The following LUZP2 variants were observed in gnomAD, a reference collection of about 807,000 sequenced individuals.
LUZP2 encodes the protein leucine zipper protein 2.
Under a neutral mutation model 51.6 loss-of-function variants are expected in LUZP2, and 52 were observed. The ratio of observed to expected loss-of-function variants is 1.01; its 90% CI spans 0.81 to 1.27. The LOEUF is 1.27. LUZP2 is among the 50% of genes most tolerant of loss of function. The pLI is 0.00. For synonymous variants in LUZP2, 154 were observed against 137.3 expected (o/e 1.12, Z -0.85); for missense variants, 436 against 395.4 (o/e 1.10, Z -0.87).
intron 1 of LUZP2, among the ~76,000 whole-genome samples, chr11:24,719,484 C>A (rs1376011433): frequency 6.6e-6 from 1 of 152,110 alleles, no homozygotes; most frequent in Admixed American, 6.6e-5. Flanking sequence ...ATAATAATTC[C>A]TTTTAAGGCA....
intron 1 of LUZP2, among the ~76,000 whole-genome samples, chr11:24,669,012 G>A (rs564791319): frequency 6.6e-6 from 1 of 152,048 alleles, no homozygotes; most frequent in Non-Finnish European, 1.5e-5. Context: ...AGAAAGTTTG[G>A]GTTTAAGCAC....
intron 9 of LUZP2, among the ~76,000 whole-genome samples, chr11:25,035,461 A>C (rs953747526): frequency 6.6e-6 from 1 of 152,100 alleles, no homozygotes; most frequent in Admixed American, 6.6e-5. Flanking sequence ...ATGAAATACC[A>C]AGGAATACAG....
intron 1 of LUZP2, among the ~76,000 whole-genome samples, chr11:24,529,225 CA>C (rs893853646): frequency 7.3e-5 from 11 of 150,404 alleles, no homozygotes; most frequent in African/African-American, 2.7e-4. Context: ...TGTCTTTATA[CA>C]AAAAAAACCT....
rs572676164 is a variant in LUZP2, at chr11:24,640,471, T to C, written c.63-88698T>C. Among the ~76,000 whole-genome samples the C allele has an allele frequency of 6.9e-4, 105 of 152,074 alleles. 1 individual carries two copies. In the South Asian group the frequency reaches 7.2e-3, roughly 10 times the overall value. ...ATCTGACAAATCTGATGGTTTGGTTTGAGCACTTGTATTTTTGTGAGATTT... is the reference window on the plus strand; with the variant it reads ...ATCTGACAAATCTGATGGTTTGGTTCGAGCACTTGTATTTTTGTGAGATTT... On this transcript the variant is annotated intron_variant, in intron 1 of 11. Coordinates refer to ENST00000336930, the MANE Select transcript of LUZP2 (RefSeq NM_001009909.4).
At chr11:24,736,624 A>T (rs4923208) in intron 3 of LUZP2, among the ~76,000 whole-genome samples, 63,092 of 151,468 alleles carry the variant, frequency 0.42, 13,503 homozygotes, top group East Asian at 0.54. Context: ...CATAACATGA[A>T]GTCATAGTTT....
intron 1 of LUZP2, among the ~76,000 whole-genome samples, chr11:24,540,194 T>C (rs1851313451): frequency 6.6e-6 from 1 of 152,116 alleles, no homozygotes; most frequent in African/African-American, 2.4e-5. Context: ...AATTAAACCA[T>C]GTCTCTCTTT....
intron 9 of LUZP2, among the ~76,000 whole-genome samples, chr11:24,987,512 C>T (rs1046315364): frequency 4.0e-5 from 6 of 151,888 alleles, no homozygotes; most frequent in Non-Finnish European, 7.4e-5. Context: ...CAGGCTATTA[C>T]TGTTTCTTTT....
chr11:24,650,547 G>A (rs368747873), intron 1 of LUZP2, among the ~76,000 whole-genome samples: 4 of 152,118 alleles, frequency 2.6e-5, no homozygotes, highest in South Asian at 4.1e-4. Flanking sequence ...TGAAATGGCA[G>A]AAGCCAGCTG....
At chr11:24,593,782 G>A (rs1408332218) in intron 1 of LUZP2, among the ~76,000 whole-genome samples, 1 of 152,154 alleles carries the variant, frequency 6.6e-6, no homozygotes, top group Non-Finnish European at 1.5e-5. Context: ...CTCTTCTGCT[G>A]TATTTTATTA....
intron 7 of LUZP2, among the ~76,000 whole-genome samples, chr11:24,937,613 C>A (rs904643351): frequency 6.6e-6 from 1 of 152,080 alleles, no homozygotes; most frequent in African/African-American, 2.4e-5. Context: ...AGAAATACGT[C>A]ATATGTGGCC....
intron 7 of LUZP2, among the ~76,000 whole-genome samples, chr11:24,958,719 T>C (rs1397080205): frequency 1.3e-5 from 2 of 152,244 alleles, no homozygotes; most frequent in Non-Finnish European, 2.9e-5. Context: ...TTCACTCTGA[T>C]GTTAGTTTCT....
At chr11:24,662,647 A>T (rs999395655) in intron 1 of LUZP2, among the ~76,000 whole-genome samples, 115 of 152,250 alleles carry the variant, frequency 7.6e-4, no homozygotes, top group African/African-American at 2.7e-3. Context: ...AATCTTCATA[A>T]ATTAAGAATT....
chr11:24,681,739 A>G (rs1385179071), intron 1 of LUZP2, among the ~76,000 whole-genome samples: 1 of 152,224 alleles, frequency 6.6e-6, no homozygotes, highest in Non-Finnish European at 1.5e-5. Flanking sequence ...TTACATTAAT[A>G]TGAAATGTTA....
At chr11:24,759,741 A>C (rs2134025585) in intron 4 of LUZP2, among the ~76,000 whole-genome samples, 1 of 152,286 alleles carries the variant, frequency 6.6e-6, no homozygotes, top group Middle Eastern at 3.4e-3. Context: ...AAAAGAATGT[A>C]AAAGCTGTTT....
chr11:24,606,125 T>C (rs571099396), intron 1 of LUZP2, among the ~76,000 whole-genome samples: 8 of 151,852 alleles, frequency 5.3e-5, no homozygotes, highest in African/African-American at 1.9e-4. Flanking sequence ...TGTATACATA[T>C]ATATATACCA....
At chr11:24,916,090 C>G (rs1853781478) in intron 7 of LUZP2, among the ~76,000 whole-genome samples, 1 of 151,880 alleles carries the variant, frequency 6.6e-6, no homozygotes, top group African/African-American at 2.4e-5. Context: ...ATGACACATG[C>G]TGGCACTTGC....
In LUZP2 at chr11:24,965,317, T is replaced by C. The variant is rs115343663; in HGVS notation, c.523-11274T>C. On this transcript the variant is annotated intron_variant, in intron 7 of 11. Transcript: ENST00000336930. ...GGCCTAAAAGTAAATTTTAAAGAGA[T>C]AGTTTTCTGCTGAAATCTCCATTTC... is the stretch of plus-strand genomic sequence containing the variant. Among the ~76,000 whole-genome samples, 1,428 of 149,914 alleles carry C rather than the reference T, an allele frequency of 9.5e-3. 18 individuals carry two copies. The highest frequency in any genetic ancestry group is 0.033 in the African/African-American group (1,359 of 40,662).
intron 5 of LUZP2, among the ~76,000 whole-genome samples, chr11:24,873,981 A>G (rs999280667): frequency 1.6e-5 from 2 of 121,364 alleles, no homozygotes; most frequent in African/African-American, 2.5e-5. Context: ...GCAACCATAG[A>G]AAAAAAAGAT....
chr11:25,049,336 C>T lies in LUZP2; in HGVS notation c.766-702C>T, dbSNP rs188094302. 4.1e-3 allele frequency among the ~76,000 whole-genome samples: 622 copies of T among 152,278 alleles called. 1 individual carries two copies. Among genetic ancestry groups the T allele is most frequent in the Non-Finnish European group, 6.4e-3 (433 of 68,010 alleles). ...ACACCAATATTCAAATTAGCTCTTC[C>T]CAAGAAACACATACACATTTGAATG... On this transcript the variant is annotated intron_variant, in intron 9 of 11. Transcript: ENST00000336930.
Sources: allele counts gnomAD v4.1 joint callset (sites outside exome capture counted in the v4.1 genomes callset), GRCh38; gene constraint gnomAD v4.1.1; transcripts MANE v1.5; gene names NCBI Gene and HGNC (gene_info 2026-07-23, HGNC 2026-07-21).